BMPER: variants seen among roughly 807,000 people sequenced by gnomAD.
BMPER encodes the protein BMP binding endothelial regulator, also known as BMP-binding endothelial regulator protein.
Under a neutral mutation model 87.3 loss-of-function variants are expected in BMPER, and 45 were observed. The ratio of observed to expected loss-of-function variants is 0.52; its 90% CI spans 0.41 to 0.66. The LOEUF (loss-of-function observed/expected upper bound fraction) is 0.66, where lower values mean the gene tolerates loss of function less well. Ranked by LOEUF, BMPER falls within the 30% of genes least tolerant of loss-of-function variation. The probability of loss-of-function intolerance (pLI) is 0.00; values close to 1 mark genes in which losing one functional copy is unlikely to be tolerated. For synonymous variants in BMPER, 326 were observed against 316.2 expected (o/e 1.03, Z -0.33); for missense variants, 784 against 867.5 (o/e 0.90, Z 1.21).
intron 2 of BMPER, among the ~76,000 whole-genome samples, chr7:33,926,939 C>G (rs1274537935): frequency 5.3e-5 from 8 of 152,188 alleles, no homozygotes; most frequent in Admixed American, 5.2e-4. Flanking sequence ...AGATGTCACC[C>G]CGCTCTTACT....
intron 6 of BMPER, among the ~76,000 whole-genome samples, chr7:34,009,071 G>T (rs1334439798): frequency 6.6e-6 from 1 of 151,638 alleles, no homozygotes; most frequent in Non-Finnish European, 1.5e-5. Flanking sequence ...TGATCCTCCT[G>T]CCTTGACCTC....
intron 13 of BMPER, among the ~76,000 whole-genome samples, chr7:34,130,567 C>A (rs936012645): frequency 2.0e-5 from 3 of 152,196 alleles, no homozygotes; most frequent in African/African-American, 7.2e-5. Context: ...ATTCAGAAAA[C>A]AGGTTTTGAG....
intron 13 of BMPER, among the ~76,000 whole-genome samples, chr7:34,095,860 T>C (rs1253015696): frequency 6.6e-6 from 1 of 152,258 alleles, no homozygotes; most frequent in Non-Finnish European, 1.5e-5. Context: ...ACTTAAATCC[T>C]TTCTGGAACA....
At chr7:34,024,360 A>G in intron 6 of BMPER, among the ~76,000 whole-genome samples, 1 of 87,798 alleles carries the variant, frequency 1.1e-5, no homozygotes, top group African/African-American at 6.0e-5. Flanking sequence ...TCTGTCTCAA[A>G]AAAAAAAAAA....
intron 10 of BMPER, among the ~76,000 whole-genome samples, chr7:34,059,218 T>G (rs1788366092): frequency 6.6e-6 from 1 of 152,190 alleles, no homozygotes. Context: ...AATGAACTCT[T>G]GCAGCACATG....
intron 8 of BMPER, among the ~76,000 whole-genome samples, chr7:34,053,148 C>T (rs1788190310): frequency 6.6e-6 from 1 of 152,122 alleles, no homozygotes; most frequent in African/African-American, 2.4e-5. Context: ...TTCATGGGTT[C>T]CTTGAGAGAT....
intron 6 of BMPER, among the ~76,000 whole-genome samples, chr7:34,020,776 A>C (rs1378839011): frequency 2.6e-5 from 4 of 151,822 alleles, no homozygotes; most frequent in Non-Finnish European, 5.9e-5. Context: ...TAGTGGACAA[A>C]ATAAGGATAG....
chr7:33,905,666 C>T lies in BMPER; in HGVS notation c.53C>T (p.Ser18Leu), dbSNP rs146102042. The change falls in exon 1 of 15, where the codon TCG becomes TTG. Residue 18 changes from serine to leucine, a missense_variant. Coordinates refer to ENST00000649409, the MANE Select transcript of BMPER (RefSeq NM_001365308.1). ...GALAERYCRR[S>L]PGITCCVLLL... The stretch of plus-strand genomic sequence containing the variant: ...CTGGCTGAGCGTTACTGCCGCCGCT[C>T]GCCTGGGATTACGTGCTGCGTCTTG... The T allele has an allele frequency of 6.2e-7, 1 of 1,613,534 alleles. No individual in the cohort carries two copies. Among genetic ancestry groups the T allele is most frequent in the Non-Finnish European group, 8.5e-7 (1 of 1,179,916 alleles).
intron 6 of BMPER, among the ~76,000 whole-genome samples, chr7:33,987,003 C>T (rs77711435): frequency 0.031 from 4,695 of 152,184 alleles, 100 homozygotes; most frequent in Non-Finnish European, 0.047. Context: ...ACTTCCCTGT[C>T]CCTGGTCCTA....
intron 13 of BMPER, among the ~76,000 whole-genome samples, chr7:34,099,332 C>G (rs1316882405): frequency 6.6e-6 from 1 of 152,156 alleles, no homozygotes; most frequent in African/African-American, 2.4e-5. Context: ...CCATCCTCAC[C>G]CCCAAATTTT....
intron 13 of BMPER, among the ~76,000 whole-genome samples, chr7:34,138,807 C>T (rs189547714): frequency 2.6e-3 from 394 of 152,232 alleles, no homozygotes; most frequent in Middle Eastern, 0.01. Flanking sequence ...ACTGGGCAGC[C>T]GTGTTTCCTG....
intron 6 of BMPER, among the ~76,000 whole-genome samples, chr7:34,027,096 A>G (rs1205667236): frequency 1.3e-5 from 2 of 151,904 alleles, no homozygotes; most frequent in Non-Finnish European, 2.9e-5. Flanking sequence ...TATCATGGTT[A>G]TGAGAATTAC....
intron 6 of BMPER, among the ~76,000 whole-genome samples, chr7:34,011,583 C>CAAAAAAAAAAAAAAAAAAAAAAAAAAAA (rs36022297): frequency 1.5e-4 from 7 of 45,758 alleles, no homozygotes; most frequent in Admixed American, 2.7e-4. Flanking sequence ...TTGGTCAGGG[C>CAAAAAAAAAAAAAAAAAAAAAAAAAAAA]AAAAAAAAAA....
chr7:33,951,690 G>A (rs979496294), intron 3 of BMPER, among the ~76,000 whole-genome samples: 1 of 152,116 alleles, frequency 6.6e-6, no homozygotes, highest in Non-Finnish European at 1.5e-5. Context: ...AATATATGTT[G>A]GATAAAAGGG....
chr7:33,950,398 C>T (rs1222664166), intron 3 of BMPER, among the ~76,000 whole-genome samples: 4 of 152,126 alleles, frequency 2.6e-5, no homozygotes, highest in Non-Finnish European at 5.9e-5. Context: ...AACTTAACGG[C>T]CTAAAATAAC....
rs370432991 is a variant in BMPER at position 34,058,184 on chromosome 7, G to A, written c.1032+21G>A. ...CACAGGTATGTTTGGAACACAGATT[G>A]ACTTTACCTTAGCGTCTTGAGAAAT... On this transcript the variant is annotated intron_variant, in intron 10 of 14. Transcript: ENST00000649409. The A allele has an allele frequency of 2.8e-5, 45 of 1,603,714 alleles. No homozygotes were observed. The African/African-American group carries it at 5.8e-4, about 20-fold the overall frequency.
intron 13 of BMPER, among the ~76,000 whole-genome samples, chr7:34,114,493 C>T (rs1336687463): frequency 6.6e-6 from 1 of 152,174 alleles, no homozygotes; most frequent in Non-Finnish European, 1.5e-5. Flanking sequence ...TTCTAGTTCC[C>T]AGGATCTGTG....
At chr7:33,905,311 C>T (rs1265833577), upstream of BMPER, among the ~76,000 whole-genome samples, 1 of 149,264 alleles carries the variant, frequency 6.7e-6, no homozygotes, top group African/African-American at 2.5e-5. Flanking sequence ...GGCCCCCTCT[C>T]CGGCGCTGAG....
intron 1 of BMPER, among the ~76,000 whole-genome samples, chr7:33,906,469 TA>T (rs938218778): frequency 1.1e-5 from 1 of 92,246 alleles, no homozygotes; most frequent in Non-Finnish European, 2.4e-5. Flanking sequence ...TTTTATTTTT[TA>T]TTTTTTTCTT....
Sources: gnomAD v4.1 joint callset for allele counts (sites outside exome capture counted in the v4.1 genomes callset) on GRCh38, gnomAD v4.1.1 for gene constraint, MANE v1.5 for transcripts, NCBI Gene and HGNC (gene_info 2026-07-23, HGNC 2026-07-21) for gene names.